Variants in POC1B observed in about 807,000 individuals in gnomAD.
POC1B encodes POC1 centriolar protein B.
Under a neutral mutation model 60.6 loss-of-function variants are expected in POC1B, and 44 were observed. That is an observed-to-expected ratio of 0.73 (90% CI 0.57 to 0.93). The LOEUF is 0.93. Among genes scored for constraint, POC1B ranks in the 40% least tolerant of loss-of-function variants. The probability of loss-of-function intolerance (pLI) is 0.00; values close to 1 mark genes in which losing one functional copy is unlikely to be tolerated. For synonymous variants in POC1B, 180 were observed against 198.9 expected (o/e 0.90, Z 0.80); for missense variants, 555 against 572.3 (o/e 0.97, Z 0.31).
At chr12:89,458,202 T>C (rs1394476421) in intron 10 of POC1B, among the ~76,000 whole-genome samples, 1 of 152,202 alleles carries the variant, frequency 6.6e-6, no homozygotes, top group African/African-American at 2.4e-5. Flanking sequence ...CTCATAAACC[T>C]CCTGTTTGCT....
At chr12:89,441,036 T>C (rs1238422066) in intron 10 of POC1B, among the ~76,000 whole-genome samples, 1 of 152,140 alleles carries the variant, frequency 6.6e-6, no homozygotes, top group Non-Finnish European at 1.5e-5. Context: ...CAGTCTGAGA[T>C]CGAACTGCAA....
intron 4 of POC1B, among the ~76,000 whole-genome samples, chr12:89,486,932 C>G (rs1868667860): frequency 6.6e-6 from 1 of 152,038 alleles, no homozygotes; most frequent in Admixed American, 6.6e-5. Context: ...CACACACACA[C>G]AGACACACAT....
chr12:89,491,426 C>A (rs1868962278), intron 4 of POC1B, among the ~76,000 whole-genome samples: 1 of 151,900 alleles, frequency 6.6e-6, no homozygotes, highest in African/African-American at 2.4e-5. Context: ...GAGTTTGAGA[C>A]CAGCTTGGGC....
chr12:89,467,581 T>A, intron 8 of POC1B, 36 bp downstream of exon 8: 1 of 1,557,246 alleles, frequency 6.4e-7, no homozygotes, highest in Non-Finnish European at 8.8e-7. Flanking sequence ...TCCTTTACCT[T>A]AACCAAATCA....
chr12:89,439,969 C>A (rs1881441333), intron 10 of POC1B, among the ~76,000 whole-genome samples: 1 of 152,182 alleles, frequency 6.6e-6, no homozygotes, highest in Non-Finnish European at 1.5e-5. Context: ...TCTGATCCCA[C>A]ACATTACTGC....
chr12:89,524,903 T>G lies in POC1B; in HGVS notation c.100+217A>C, dbSNP rs907336973. The G allele has an allele frequency of 1.8e-5, 13 of 736,462 alleles. No individual in the cohort carries two copies. In the South Asian group the frequency reaches 2.2e-4, roughly 13 times the overall value. The allele number at this position is 736,462 out of a possible 1,614,324, so 45.6% of individuals were successfully genotyped here. On this transcript the variant is annotated intron_variant, in intron 2 of 11. Transcript: ENST00000313546. ...AAGTCGTCCGCCAGGCCCAGACCGCTGGATAGGAGGCTCTTGGCCGGGCCG... is the reference window on the plus strand; with the variant it reads ...AAGTCGTCCGCCAGGCCCAGACCGCGGGATAGGAGGCTCTTGGCCGGGCCG...
intron 2 of POC1B, chr12:89,500,170 TA>T: frequency 6.3e-7 from 1 of 1,597,604 alleles, no homozygotes; most frequent in Non-Finnish European, 8.6e-7. Flanking sequence ...CACGTGACAT[TA>T]ACACAGAGCA....
chr12:89,453,244 A>G (rs565789579), intron 10 of POC1B, among the ~76,000 whole-genome samples: 1 of 152,346 alleles, frequency 6.6e-6, no homozygotes, highest in South Asian at 2.1e-4. Flanking sequence ...CCAATTAAGC[A>G]TCTTAGGGCT....
chr12:89,435,804 A>G (rs1881232899), intron 10 of POC1B, among the ~76,000 whole-genome samples: 1 of 152,212 alleles, frequency 6.6e-6, no homozygotes, highest in Admixed American at 6.5e-5. Context: ...GCCATGAGTC[A>G]AAGAGAATAT....
intron 2 of POC1B, among the ~76,000 whole-genome samples, chr12:89,510,958 T>C (rs1361920801): frequency 6.6e-6 from 1 of 151,878 alleles, no homozygotes; most frequent in Admixed American, 6.6e-5. Flanking sequence ...TTTCACCATG[T>C]TGGCCAGGCT....
intron 9 of POC1B, among the ~76,000 whole-genome samples, chr12:89,465,974 C>T (rs982776971): frequency 1.3e-4 from 20 of 152,216 alleles, no homozygotes; most frequent in African/African-American, 4.8e-4. Context: ...GGTACATGCA[C>T]AGCATGAACA....
At chr12:89,424,987 A>G (rs927473739) in intron 11 of POC1B, among the ~76,000 whole-genome samples, 174 bp downstream of exon 11, 1 of 152,176 alleles carries the variant, frequency 6.6e-6, no homozygotes, top group Non-Finnish European at 1.5e-5. Context: ...ACACAAATGC[A>G]TAGGCTCTGA....
chr12:89,523,208 T>C (rs1871071733), intron 2 of POC1B: 1 of 1,613,994 alleles, frequency 6.2e-7, no homozygotes. Flanking sequence ...CTACTGCGAA[T>C]AGCCCCATGC....
At chr12:89,517,735 G>T (rs1870516229) in intron 2 of POC1B, among the ~76,000 whole-genome samples, 1 of 151,988 alleles carries the variant, frequency 6.6e-6, no homozygotes, top group African/African-American at 2.4e-5. Flanking sequence ...GTGTTTACTT[G>T]TTAATTATTT....
At chr12:89,513,405 CAT>C (rs1447361023) in intron 2 of POC1B, among the ~76,000 whole-genome samples, 3 of 152,154 alleles carry the variant, frequency 2.0e-5, no homozygotes, top group Non-Finnish European at 2.9e-5. Flanking sequence ...AAGCACACCA[CAT>C]GTTACAGGAT....
chr12:89,486,076 C>A (rs1868619694), intron 4 of POC1B, among the ~76,000 whole-genome samples: 1 of 152,218 alleles, frequency 6.6e-6, no homozygotes, highest in African/African-American at 2.4e-5. Flanking sequence ...CCCCCTACAT[C>A]ATTTTTCTCC....
intron 3 of POC1B, among the ~76,000 whole-genome samples, chr12:89,492,423 T>C (rs1257883703): frequency 6.6e-6 from 1 of 152,206 alleles, no homozygotes; most frequent in Non-Finnish European, 1.5e-5. Flanking sequence ...TAGATAGTGT[T>C]GGAGTTACAA....
intron 2 of POC1B, among the ~76,000 whole-genome samples, chr12:89,507,714 A>G (rs2135755025): frequency 6.6e-6 from 1 of 151,402 alleles, no homozygotes; most frequent in African/African-American, 2.4e-5. Flanking sequence ...AGGTGACAAC[A>G]AAGAACAACA....
intron 10 of POC1B, among the ~76,000 whole-genome samples, chr12:89,452,211 C>T (rs1362234426): frequency 6.6e-6 from 1 of 152,014 alleles, no homozygotes; most frequent in East Asian, 1.9e-4. Context: ...ATTCCCAGGC[C>T]CGGGACAGTC....
Sources: gnomAD v4.1 joint callset for allele counts (sites outside exome capture counted in the v4.1 genomes callset) on GRCh38, gnomAD v4.1.1 for gene constraint, MANE v1.5 for transcripts, NCBI Gene and HGNC (gene_info 2026-07-23, HGNC 2026-07-21) for gene names.